The following LMBRD2 variants were observed in gnomAD, a reference collection of about 807,000 sequenced individuals.
LMBRD2 encodes the protein LMBR1 domain containing 2.
A neutral mutation model predicts 94.4 loss-of-function variants in LMBRD2; 55 were observed. That is an observed-to-expected ratio of 0.58 (90% CI 0.47 to 0.73). The LOEUF (loss-of-function observed/expected upper bound fraction) is 0.73, where lower values mean the gene tolerates loss of function less well. Ranked by LOEUF, LMBRD2 falls within the 30% of genes least tolerant of loss-of-function variation. The probability of loss-of-function intolerance (pLI) is 0.00; values close to 1 mark genes in which losing one functional copy is unlikely to be tolerated. For missense variants in LMBRD2, 640 were observed against 831.9 expected (o/e 0.77, Z 2.84); for synonymous variants, 246 against 272.4 (o/e 0.90, Z 0.95).
intron 7 of LMBRD2, among the ~76,000 whole-genome samples, chr5:36,123,949 C>T (rs926402869): frequency 6.6e-6 from 1 of 151,770 alleles, no homozygotes; most frequent in Non-Finnish European, 1.5e-5. Context: ...ATTGTCATGA[C>T]AATCCTTATA....
At position 36,137,255 on chromosome 5, in the gene LMBRD2, A is replaced by G; in HGVS notation, c.536+19T>C. 1 of 1,505,146 alleles carries G rather than the reference A, an allele frequency of 6.6e-7. No individual in the cohort carries two copies. 93.2% of individuals were successfully genotyped at this position (1,505,146 alleles called of 1,614,324 possible). On this transcript the variant is annotated intron_variant, in intron 5 of 17. Coordinates refer to ENST00000296603, the MANE Select transcript of LMBRD2 (RefSeq NM_001007527.2). Reference sequence around the variant, plus strand: ...GCAAACATACATTAAAGCAATGTTAAGAAGACTACTTTTCTTACCATTCTA... The same window carrying G: ...GCAAACATACATTAAAGCAATGTTAGGAAGACTACTTTTCTTACCATTCTA...
chr5:36,108,515 T>C lies in LMBRD2; in HGVS notation c.1897+19A>G, dbSNP rs1156596735. On this transcript the variant is annotated intron_variant, in intron 16 of 17. Coordinates refer to ENST00000296603, the MANE Select transcript of LMBRD2 (RefSeq NM_001007527.2). ...ATAAGAAAACAATTTCCAAGTGAACTAGAAGATAAACTACTTACAACGGTT... is the reference window on the plus strand; with the variant it reads ...ATAAGAAAACAATTTCCAAGTGAACCAGAAGATAAACTACTTACAACGGTT... The C allele has an allele frequency of 7.6e-7, 1 of 1,313,390 alleles. No individual in the cohort carries two copies. The highest frequency in any genetic ancestry group is 1.1e-6 in the Non-Finnish European group (1 of 928,856). 81.4% of individuals were successfully genotyped at this position (1,313,390 alleles called of 1,614,324 possible).
Position 36,143,365 on chromosome 5 carries a change from TCTGA to T in LMBRD2, c.-20_-17del, listed in dbSNP as rs960781772. On this transcript the variant is annotated 5_prime_UTR_variant, in exon 2 of 18. Coordinates refer to ENST00000296603, the MANE Select transcript of LMBRD2 (RefSeq NM_001007527.2). ...CACCACTCATTATTGAATATTTCAC[TCTGA>T]CTAACCAAAGTTATTCATGTACAGG... 1.9e-6 allele frequency: 3 copies of T among 1,606,360 alleles called. No individual in the cohort carries two copies. The highest frequency in any genetic ancestry group is 2.7e-5 in the African/African-American group (2 of 74,560).
chr5:36,141,740 CA>C lies in LMBRD2; in HGVS notation c.273-539del, dbSNP rs555637118. 3.0e-3 allele frequency among the ~76,000 whole-genome samples: 459 copies of C among 152,194 alleles called. 1 individual carries two copies. Among genetic ancestry groups the C allele is most frequent in the Non-Finnish European group, 4.2e-3 (285 of 68,006 alleles). On this transcript the variant is annotated intron_variant, in intron 3 of 17. Coordinates refer to ENST00000296603, the MANE Select transcript of LMBRD2 (RefSeq NM_001007527.2). The stretch of plus-strand genomic sequence containing the variant: ...ATAATTCTGTTTAAATTTTTGAAGA[CA>C]TGATGAGTCTCTGATCATAAATTCT...
chr5:36,130,227 T>G (rs960061466), intron 6 of LMBRD2, among the ~76,000 whole-genome samples: 1 of 151,990 alleles, frequency 6.6e-6, no homozygotes, highest in African/African-American at 2.4e-5. Flanking sequence ...ACAACAACTT[T>G]TTAAGACACA....
At chr5:36,146,366 C>G (rs148177931) in intron 1 of LMBRD2, among the ~76,000 whole-genome samples, 68 of 152,158 alleles carry the variant, frequency 4.5e-4, no homozygotes, top group Middle Eastern at 3.4e-3. Context: ...AAGAAGAATC[C>G]ATTTCTAATC....
intron 16 of LMBRD2, 48 bp from the exon 17 acceptor site, chr5:36,105,245 T>A (rs199771550): frequency 7.3e-5 from 115 of 1,582,440 alleles, no homozygotes; most frequent in Non-Finnish European, 9.3e-5. Context: ...GTCTTTTAAC[T>A]TATGGGTCAC....
intron 3 of LMBRD2, among the ~76,000 whole-genome samples, chr5:36,142,027 C>T (rs1744421804): frequency 6.6e-6 from 1 of 152,104 alleles, no homozygotes; most frequent in South Asian, 2.1e-4. Flanking sequence ...TCAATATAAT[C>T]TTTGGACAAT....
chr5:36,115,924 A>G (rs1034745916), intron 11 of LMBRD2, among the ~76,000 whole-genome samples: 1 of 152,214 alleles, frequency 6.6e-6, no homozygotes, highest in Non-Finnish European at 1.5e-5. Flanking sequence ...AAAGATGCTT[A>G]AAAATACTTT....
rs1313332960 is a variant in LMBRD2, at chr5:36,099,527, T to C, written c.*4519A>G. Reference sequence around the variant, plus strand: ...GATGCTTGCCAGCATTGTTGAGAAATGCAGTTCCAAATTAGTAGGCTAATA... The same window carrying C: ...GATGCTTGCCAGCATTGTTGAGAAACGCAGTTCCAAATTAGTAGGCTAATA... On this transcript the variant is annotated 3_prime_UTR_variant, in exon 18 of 18. Coordinates refer to ENST00000296603, the MANE Select transcript of LMBRD2 (RefSeq NM_001007527.2). 2.6e-5 allele frequency: 4 copies of C among 152,136 alleles called. No individual in the cohort carries two copies. Among genetic ancestry groups the C allele is most frequent in the African/African-American group, 9.6e-5 (4 of 41,454 alleles). The allele number at this position is 152,136 out of a possible 1,614,324, so 9.4% of individuals were successfully genotyped here.
In LMBRD2 at chr5:36,137,303, T is replaced by C. The variant is rs1317203110; in HGVS notation, c.507A>G (p.Val169=). 1 of 1,601,790 alleles carries C rather than the reference T, an allele frequency of 6.2e-7. No homozygotes were observed. The highest frequency in any genetic ancestry group is 8.5e-7 in the Non-Finnish European group (1 of 1,171,350). ...CTAAATGTAAATGTGGGTTTACAGC[T>C]ACATAAATTAAAAATGCTCCAAAAA... The part of the protein sequence containing the change: ...LLIFGAFLIY[V]AVNPHLHLEW... Residue 169 remains valine (V), a synonymous_variant, in exon 5 of 18, where the codon GTA becomes GTG. Coordinates refer to ENST00000296603, the MANE Select transcript of LMBRD2 (RefSeq NM_001007527.2).
intron 16 of LMBRD2, among the ~76,000 whole-genome samples, chr5:36,107,011 T>C (rs1414056741): frequency 1.3e-5 from 2 of 152,128 alleles, no homozygotes; most frequent in Admixed American, 6.6e-5. Flanking sequence ...CAGCTAAACA[T>C]GTCCTTATTA....
intron 1 of LMBRD2, among the ~76,000 whole-genome samples, chr5:36,150,975 T>C (rs1028947767): frequency 6.6e-6 from 1 of 152,264 alleles, no homozygotes; most frequent in Non-Finnish European, 1.5e-5. Flanking sequence ...ATGAACTTTA[T>C]AAATCTTCAT....
Position 36,099,130 on chromosome 5 carries a change from ATT to A in LMBRD2, c.*4914_*4915del, listed in dbSNP as rs1743298153. 2.6e-5 allele frequency: 4 copies of A among 152,232 alleles called. No individual in the cohort carries two copies. The South Asian group carries it at 8.3e-4, about 32-fold the overall frequency. 9.4% of individuals were successfully genotyped at this position (152,232 alleles called of 1,614,324 possible). On this transcript the variant is annotated 3_prime_UTR_variant, in exon 18 of 18. Coordinates refer to ENST00000296603, the MANE Select transcript of LMBRD2 (RefSeq NM_001007527.2). The stretch of plus-strand genomic sequence containing the variant: ...AAAATCACTGACGGGATCTAGGAGT[ATT>A]TCAAGCTCACACTGGACTACTGAAC...
In LMBRD2 at chr5:36,098,556, T is replaced by C. The variant is rs1045911145; in HGVS notation, c.*5490A>G. On this transcript the variant is annotated 3_prime_UTR_variant, in exon 18 of 18. Coordinates refer to ENST00000296603, the MANE Select transcript of LMBRD2 (RefSeq NM_001007527.2). ...ATATAAACAATCAGCAAAATTCTTA[T>C]TAACTTGTAGAAATGTAATTTATTT... The C allele has an allele frequency of 2.6e-5, 4 of 152,090 alleles. No individual in the cohort carries two copies. In the East Asian group the frequency reaches 7.7e-4, roughly 29 times the overall value. The allele number at this position is 152,090 out of a possible 1,614,324, so 9.4% of individuals were successfully genotyped here. A position where few individuals can be genotyped will look rare whatever the true frequency, so the allele number is the denominator to read the frequency against.
chr5:36,137,505 G>T lies in LMBRD2; in HGVS notation c.369-64C>A, dbSNP rs1043686180. ...ATTGATATGTCTGTATAATCTCAAA[G>T]TGCCAGAAATATATGAATCTCAATT... is the stretch of plus-strand genomic sequence containing the variant. On this transcript the variant is annotated intron_variant, in intron 4 of 17. Transcript: ENST00000296603. The T allele has an allele frequency of 1.4e-5, 16 of 1,110,780 alleles. No individual in the cohort carries two copies. The African/African-American group carries it at 2.2e-4, about 15-fold the overall frequency. The allele number at this position is 1,110,780 out of a possible 1,614,324, so 68.8% of individuals were successfully genotyped here. A position where few individuals can be genotyped will look rare whatever the true frequency, so the allele number is the denominator to read the frequency against.
At chr5:36,111,714 C>T (rs766704177) in intron 13 of LMBRD2, among the ~76,000 whole-genome samples, 4 of 151,192 alleles carry the variant, frequency 2.6e-5, no homozygotes, top group Non-Finnish European at 5.9e-5. Context: ...TTGTACAAGA[C>T]AAGAATACTG....
intron 1 of LMBRD2, among the ~76,000 whole-genome samples, chr5:36,146,146 C>T (rs1744532385): frequency 6.6e-6 from 1 of 152,200 alleles, no homozygotes; most frequent in Non-Finnish European, 1.5e-5. Flanking sequence ...GATTTGGTTA[C>T]ATACCTTCCC....
chr5:36,115,710 G>A (rs761394242), intron 11 of LMBRD2, among the ~76,000 whole-genome samples: 1 of 140,904 alleles, frequency 7.1e-6, no homozygotes, highest in Non-Finnish European at 1.5e-5. Context: ...GTGGCTACAG[G>A]AATCTACACA....
Sources: allele counts gnomAD v4.1 joint callset (sites outside exome capture counted in the v4.1 genomes callset), GRCh38; gene constraint gnomAD v4.1.1; transcripts MANE v1.5; gene names NCBI Gene and HGNC (gene_info 2026-07-23, HGNC 2026-07-21).